PRPF3: variants seen among roughly 807,000 people sequenced by gnomAD.
The protein encoded by PRPF3 is pre-mRNA processing factor 3.
Under a neutral mutation model 89.2 loss-of-function variants are expected in PRPF3, and 3 were observed. That is an observed-to-expected ratio of 0.03 (90% CI 0.02 to 0.09). PRPF3 has a LOEUF of 0.09. Among genes scored for constraint, PRPF3 ranks in the 10% least tolerant of loss-of-function variants. The probability of loss-of-function intolerance (pLI) is 1.00; values close to 1 mark genes in which losing one functional copy is unlikely to be tolerated. For synonymous variants in PRPF3, 270 were observed against 289.1 expected, an observed-to-expected ratio of 0.93 and a Z score of 0.67; for missense variants, 463 against 828.8, an observed-to-expected ratio of 0.56 and a Z score of 5.42.
At chr1:150,330,712 A>G (rs1450463145) in intron 4 of PRPF3, among the ~76,000 whole-genome samples, 3 of 104,770 alleles carry the variant, frequency 2.9e-5, no homozygotes, top group Non-Finnish European at 5.4e-5. Context: ...TCCTTTTGTT[A>G]TGTTTCTTTC....
intron 8 of PRPF3, among the ~76,000 whole-genome samples, chr1:150,338,532 GCT>G (rs1553868946): frequency 7.6e-6 from 1 of 132,028 alleles, no homozygotes; most frequent in Non-Finnish European, 1.5e-5. Context: ...AGGGAGTCTC[GCT>G]CTGTCACCCA....
chr1:150,331,099 G>A (rs1175245474), intron 4 of PRPF3, among the ~76,000 whole-genome samples: 10 of 151,974 alleles, frequency 6.6e-5, no homozygotes, highest in Non-Finnish European at 7.4e-5. Flanking sequence ...GTGCAATGCC[G>A]TGATCTCAGC....
In PRPF3 at chr1:150,344,802, A is replaced by G. The variant is rs1437550534; in HGVS notation, c.1640+255A>G. 3.3e-5 allele frequency among the ~76,000 whole-genome samples: 5 copies of G among 151,880 alleles called. No individual in the cohort carries two copies. In the East Asian group the frequency reaches 7.7e-4, roughly 24 times the overall value. The stretch of plus-strand genomic sequence containing the variant: ...CAGAATATTAGTTCTGAACAAGTCA[A>G]TATACTTGTTCAGGCCAAGATGTGA... On this transcript the variant is annotated intron_variant, in intron 12 of 15. Coordinates refer to ENST00000324862, the MANE Select transcript of PRPF3 (RefSeq NM_004698.4).
intron 7 of PRPF3, among the ~76,000 whole-genome samples, chr1:150,335,722 C>G (rs1553867290): frequency 6.6e-6 from 1 of 151,786 alleles, no homozygotes. Context: ...ACTTTGTCCT[C>G]CCAAAGTGCT....
intron 12 of PRPF3, among the ~76,000 whole-genome samples, chr1:150,344,962 T>A (rs1400247292): frequency 6.6e-6 from 1 of 151,978 alleles, no homozygotes; most frequent in African/African-American, 2.4e-5. Flanking sequence ...TCCTCCGTAG[T>A]CATATCCTTA....
intron 9 of PRPF3, among the ~76,000 whole-genome samples, chr1:150,342,888 C>CG (rs1364336210): frequency 6.6e-6 from 1 of 152,176 alleles, no homozygotes; most frequent in Non-Finnish European, 1.5e-5. Context: ...AGGCTGGTCT[C>CG]GAACTCTTGG....
intron 4 of PRPF3, among the ~76,000 whole-genome samples, chr1:150,331,027 CATTTTATTTT>C (rs1482864092): frequency 6.7e-6 from 1 of 148,782 alleles, no homozygotes; most frequent in Non-Finnish European, 1.5e-5. Context: ...TGTAATTTTT[CATTTTATTTT>C]ATTTTATTTT....
At chr1:150,330,044 G>A (rs1363740146) in intron 4 of PRPF3, 2 of 152,196 alleles carry the variant, frequency 1.3e-5, no homozygotes, top group Non-Finnish European at 2.9e-5. Context: ...ATAGGCGTGA[G>A]CCACCGTACC....
At position 150,340,459 on chromosome 1, in the gene PRPF3, G is replaced by A; in HGVS notation, c.1264G>A (p.Ala422Thr). ...AATCACAAATCTTGTTGAACATCCAGCCCAGCTCAATCCTCCAGGTAATGT... is the reference window on the plus strand; with the variant it reads ...AATCACAAATCTTGTTGAACATCCAACCCAGCTCAATCCTCCAGGTAATGT... ...FGITNLVEHPAQLNPPVDNDT... is the reference protein window; with the variant it reads ...FGITNLVEHPTQLNPPVDNDT... The change falls in exon 9 of 16, where the codon GCC becomes ACC. Residue 422 changes from alanine (A) to threonine (T), a missense_variant. Physicochemically the swap from Ala to Thr is moderately conservative, Grantham distance 58 (BLOSUM62 0). Transcript: ENST00000324862. 1 of 1,604,128 alleles carries A rather than the reference G, an allele frequency of 6.2e-7. No individual in the cohort carries two copies. The highest frequency in any genetic ancestry group is 1.1e-5 in the South Asian group (1 of 90,904).
intron 3 of PRPF3, chr1:150,327,568 A>G: frequency 1.0e-6 from 1 of 985,786 alleles, no homozygotes; most frequent in Non-Finnish European, 1.2e-6. Context: ...AGTTCCAGGA[A>G]GCGCTCGCCC....
Position 150,339,627 on chromosome 1 carries a change from G to A in PRPF3, c.1203-771G>A, listed in dbSNP as rs1208070105. 2.0e-5 allele frequency among the ~76,000 whole-genome samples: 3 copies of A among 150,882 alleles called. No individual in the cohort carries two copies. The South Asian group carries it at 6.3e-4, about 32-fold the overall frequency. ...AATTTTTGGTGTTTTTAGTAGAGAC[G>A]AGGTTTCTCCATGTTGGTCAGGCTG... On this transcript the variant is annotated intron_variant, in intron 8 of 15. Transcript: ENST00000324862.
intron 4 of PRPF3, 132 bp downstream of exon 4, chr1:150,328,598 G>A (rs899180867): frequency 2.0e-6 from 2 of 1,008,532 alleles, no homozygotes; most frequent in Non-Finnish European, 2.8e-6. Context: ...TGTCACCCAG[G>A]CTGGAATACA....
chr1:150,331,553 C>T (rs1352669070), intron 4 of PRPF3, among the ~76,000 whole-genome samples: 2 of 151,234 alleles, frequency 1.3e-5, no homozygotes, highest in African/African-American at 4.9e-5. Context: ...TTACTAGAGA[C>T]GGTGTTTCAC....
intron 14 of PRPF3, among the ~76,000 whole-genome samples, chr1:150,347,255 T>G (rs995645795): frequency 6.6e-6 from 1 of 151,208 alleles, no homozygotes; most frequent in Non-Finnish European, 1.5e-5. Context: ...GATATATATA[T>G]ATACACACAT....
At chr1:150,328,546 A>AT in intron 4 of PRPF3, 80 bp downstream of exon 4, 5 of 726,400 alleles carry the variant, frequency 6.9e-6, no homozygotes, top group African/African-American at 9.6e-5. Context: ...TTTATTGTGG[A>AT]ATTTTTTTTT....
At chr1:150,335,590 C>G (rs1449181490) in intron 7 of PRPF3, among the ~76,000 whole-genome samples, 1 of 151,014 alleles carries the variant, frequency 6.6e-6, no homozygotes, top group Non-Finnish European at 1.5e-5. Context: ...CTCAGCCTCC[C>G]GAGTAGCTGG....
chr1:150,347,155 A>G (rs1439105470), intron 14 of PRPF3, among the ~76,000 whole-genome samples: 1 of 151,806 alleles, frequency 6.6e-6, no homozygotes, highest in Non-Finnish European at 1.5e-5. Flanking sequence ...ATATTATATT[A>G]TTATTTGATT....
intron 1 of PRPF3, among the ~76,000 whole-genome samples, chr1:150,324,569 T>TG (rs1241094207): frequency 0.95 from 140,072 of 148,112 alleles, 66,500 homozygotes; most frequent in East Asian, 1. Context: ...TTTTTTTTTG[T>TG]AGAGAGAGTC....
intron 14 of PRPF3, 127 bp from the exon 15 acceptor site, chr1:150,349,029 GA>G: frequency 1.2e-6 from 1 of 821,310 alleles, no homozygotes; most frequent in South Asian, 1.4e-5. Flanking sequence ...AAGAGCAACA[GA>G]AAAGAGAACA....
Sources: allele counts gnomAD v4.1 joint callset (sites outside exome capture counted in the v4.1 genomes callset), GRCh38; gene constraint gnomAD v4.1.1; transcripts MANE v1.5; gene names NCBI Gene and HGNC (gene_info 2026-07-23, HGNC 2026-07-21).